Variants in DIP2C observed in about 807,000 individuals in gnomAD.
DIP2C encodes DIP2 acetate--CoA ligase C (putative).
Under a neutral mutation model 192.4 loss-of-function variants are expected in DIP2C, and 33 were observed. That is an observed-to-expected ratio of 0.17 (90% CI 0.13 to 0.23). The LOEUF is 0.23. Ranked by LOEUF, DIP2C falls within the 10% of genes least tolerant of loss-of-function variation. The pLI, the probability that DIP2C is intolerant of heterozygous loss-of-function variation, is 1.00. For missense variants in DIP2C, 1,537 were observed against 2,110.1 expected, an observed-to-expected ratio of 0.73 and a Z score of 5.32; for synonymous variants, 979 against 864.1, an observed-to-expected ratio of 1.13 and a Z score of -2.33.
Position 428,223 on chromosome 10 carries a change from T to C in DIP2C, c.395-5190A>G, listed in dbSNP as rs193052426. 2.0e-3 allele frequency among the ~76,000 whole-genome samples: 307 copies of C among 152,300 alleles called. 1 individual carries two copies. The highest frequency in any genetic ancestry group is 6.8e-3 in the Middle Eastern group (2 of 294). On this transcript the variant is annotated intron_variant, in intron 4 of 36. Coordinates refer to ENST00000280886, the MANE Select transcript of DIP2C (RefSeq NM_014974.3). ...TAAAATCATAAAGTGTTCTATGATT[T>C]TATATTCCAGAAAATTTGATTTCTA...
At chr10:573,395 T>C (rs1349010319) in intron 1 of DIP2C, among the ~76,000 whole-genome samples, 1 of 152,248 alleles carries the variant, frequency 6.6e-6, no homozygotes, top group African/African-American at 2.4e-5. Flanking sequence ...AGCCGGGCAG[T>C]TCACCCACAT....
rs142470360 is a variant in DIP2C at position 593,751 on chromosome 10, G to A, written c.85+95743C>T. Among the ~76,000 whole-genome samples the A allele has an allele frequency of 3.3e-3, 503 of 152,228 alleles. 6 individuals carry two copies. Among genetic ancestry groups the A allele is most frequent in the African/African-American group, 0.011 (472 of 41,532 alleles). On this transcript the variant is annotated intron_variant, in intron 1 of 36. Transcript: ENST00000280886. ...ATAAAACCGACATGCACTGACCTCC[G>A]ATAGGGCCTCCTTTACCATCCACAT...
intron 3 of DIP2C, among the ~76,000 whole-genome samples, chr10:460,847 A>G (rs1432198257): frequency 1.3e-5 from 2 of 152,340 alleles, no homozygotes; most frequent in African/African-American, 4.8e-5. Context: ...TCAGACTAAC[A>G]GCGGATCTCT....
chr10:321,621 C>T (rs1400272933), intron 31 of DIP2C, among the ~76,000 whole-genome samples: 2 of 125,876 alleles, frequency 1.6e-5, no homozygotes, highest in East Asian at 2.6e-4. Context: ...AACAGTCAGT[C>T]GGGGGTGCGG....
At chr10:672,594 G>T (rs1830704555) in intron 1 of DIP2C, among the ~76,000 whole-genome samples, 2 of 152,240 alleles carry the variant, frequency 1.3e-5, no homozygotes, top group South Asian at 4.1e-4. Context: ...AAAGCACTCT[G>T]CATAAAAGAA....
chr10:333,956 A>G (rs1034139298), intron 29 of DIP2C, among the ~76,000 whole-genome samples: 4 of 152,104 alleles, frequency 2.6e-5, no homozygotes, highest in Admixed American at 6.6e-5. Context: ...TTCTGGTGAG[A>G]TATCTATTCA....
At chr10:458,533 T>C (rs1427377095) in intron 3 of DIP2C, among the ~76,000 whole-genome samples, 2 of 144,524 alleles carry the variant, frequency 1.4e-5, no homozygotes, top group African/African-American at 2.6e-5. Context: ...CCCTCTACAT[T>C]CCTGCGTCAC....
chr10:360,602 C>T (rs1050458369), intron 22 of DIP2C, among the ~76,000 whole-genome samples: 2 of 152,212 alleles, frequency 1.3e-5, no homozygotes, highest in Non-Finnish European at 2.9e-5. Flanking sequence ...TCCCAGGTGC[C>T]AGGCTCTGGC....
chr10:455,274 T>A (rs1166858312), intron 3 of DIP2C, among the ~76,000 whole-genome samples: 2 of 140,902 alleles, frequency 1.4e-5, no homozygotes, highest in African/African-American at 5.2e-5. Context: ...GAGTGGCCCA[T>A]GAGGAGTAAA....
chr10:343,267 C>A (rs1958250086), intron 28 of DIP2C, among the ~76,000 whole-genome samples: 1 of 152,190 alleles, frequency 6.6e-6, no homozygotes, highest in Non-Finnish European at 1.5e-5. Context: ...CCAGCCTGGG[C>A]AACAGAGCAA....
At chr10:511,235 CAA>C (rs1283612608) in intron 1 of DIP2C, among the ~76,000 whole-genome samples, 1 of 152,200 alleles carries the variant, frequency 6.6e-6, no homozygotes, top group African/African-American at 2.4e-5. Flanking sequence ...GGAGTTCCTG[CAA>C]ACTCGCCTCA....
intron 1 of DIP2C, among the ~76,000 whole-genome samples, chr10:532,024 G>A (rs770731424): frequency 2.0e-5 from 3 of 152,212 alleles, no homozygotes; most frequent in Non-Finnish European, 4.4e-5. Context: ...AGTCTAGAAT[G>A]CAGATGGCTG....
chr10:293,021 C>A (rs987180227), intron 32 of DIP2C, among the ~76,000 whole-genome samples: 4 of 152,234 alleles, frequency 2.6e-5, no homozygotes, highest in Non-Finnish European at 4.4e-5. Flanking sequence ...AACAGAAGTG[C>A]GCCGGCATAC....
intron 1 of DIP2C, among the ~76,000 whole-genome samples, chr10:590,034 G>T (rs754257984): frequency 6.6e-6 from 1 of 152,234 alleles, no homozygotes; most frequent in African/African-American, 2.4e-5. Flanking sequence ...ACAGGAGAAA[G>T]GTAGGAGTGG....
At chr10:505,621 T>C (rs1273298418) in intron 1 of DIP2C, among the ~76,000 whole-genome samples, 2 of 151,210 alleles carry the variant, frequency 1.3e-5, no homozygotes, top group African/African-American at 2.4e-5. Context: ...CCCAGCTATA[T>C]TCCCTCTGTG....
chr10:378,668 TAGGCACACATGAACAGACATGC>T (rs1961958342), intron 17 of DIP2C, among the ~76,000 whole-genome samples: 1 of 150,228 alleles, frequency 6.7e-6, no homozygotes. Flanking sequence ...CAGATATGCC[TAGGCACACATGAACAGACATGC>T]ATACACACAT....
At chr10:669,727 A>G (rs1426038417) in intron 1 of DIP2C, 1 of 152,222 alleles carries the variant, frequency 6.6e-6, no homozygotes, top group East Asian at 1.9e-4. Context: ...TGGTTTTCAG[A>G]GCTTCCAGAA....
chr10:649,464 G>GA (rs1855720849), intron 1 of DIP2C, among the ~76,000 whole-genome samples: 1 of 152,212 alleles, frequency 6.6e-6, no homozygotes, highest in African/African-American at 2.4e-5. Context: ...TGACCTTCAC[G>GA]AATTTTCAGG....
intron 1 of DIP2C, among the ~76,000 whole-genome samples, chr10:520,073 G>GAA (rs1194531838): frequency 6.6e-6 from 1 of 152,234 alleles, no homozygotes; most frequent in Non-Finnish European, 1.5e-5. Flanking sequence ...TTACATTCTG[G>GAA]AAAACATCTG....
Sources: gnomAD v4.1 joint callset for allele counts (sites outside exome capture counted in the v4.1 genomes callset) on GRCh38, gnomAD v4.1.1 for gene constraint, MANE v1.5 for transcripts, NCBI Gene and HGNC (gene_info 2026-07-23, HGNC 2026-07-21) for gene names.